Variants in STX8 observed in about 807,000 individuals in gnomAD.
The protein encoded by STX8 is syntaxin 8, also known as syntaxin-8.
Under a neutral mutation model 37.5 loss-of-function variants are expected in STX8, and 23 were observed. The ratio of observed to expected loss-of-function variants is 0.61; its 90% CI spans 0.44 to 0.87. The LOEUF (loss-of-function observed/expected upper bound fraction) is 0.87. STX8 is among the 40% of genes least tolerant of loss of function. STX8 has a pLI of 0.00. For synonymous variants in STX8, 115 were observed against 99.1 expected, an observed-to-expected ratio of 1.16 and a Z score of -0.95; for missense variants, 313 against 284.7, an observed-to-expected ratio of 1.10 and a Z score of -0.71.
intron 6 of STX8, among the ~76,000 whole-genome samples, chr17:9,479,940 A>C (rs553011934): frequency 1.3e-5 from 2 of 152,300 alleles, no homozygotes; most frequent in South Asian, 4.1e-4. Context: ...CTTTGCGTAA[A>C]GGCCCTTTGC....
chr17:9,360,227 C>CTTTTTTTTTTTTTTTTTTTTT (rs58213453), intron 7 of STX8, among the ~76,000 whole-genome samples: 1 of 72,610 alleles, frequency 1.4e-5, no homozygotes, highest in African/African-American at 5.4e-5. Context: ...AATTAACCGT[C>CTTTTTTTTTTTTTTTTTTTTT]TTTTTTTTTT....
chr17:9,329,166 G>A (rs1439577851), intron 7 of STX8, among the ~76,000 whole-genome samples: 3 of 142,624 alleles, frequency 2.1e-5, no homozygotes, highest in African/African-American at 7.7e-5. Flanking sequence ...AGACTACCTA[G>A]AAAAGTTCCC....
intron 6 of STX8, among the ~76,000 whole-genome samples, chr17:9,386,021 G>T (rs1164394582): frequency 1.3e-5 from 2 of 150,782 alleles, no homozygotes; most frequent in African/African-American, 4.9e-5. Context: ...TGATCCACCT[G>T]CCTCGGCTGG....
chr17:9,392,236 G>A (rs568282201), intron 6 of STX8, among the ~76,000 whole-genome samples: 17 of 152,202 alleles, frequency 1.1e-4, no homozygotes, highest in South Asian at 6.2e-4. Context: ...ATGAACATCC[G>A]GAAAATTTCA....
chr17:9,558,923 T>C (rs1018368526), intron 2 of STX8, among the ~76,000 whole-genome samples: 3 of 151,910 alleles, frequency 2.0e-5, no homozygotes, highest in African/African-American at 7.3e-5. Flanking sequence ...ACAAAAGCAT[T>C]TGGGAGATGA....
intron 6 of STX8, among the ~76,000 whole-genome samples, chr17:9,491,062 C>G (rs991084487): frequency 6.6e-6 from 1 of 152,194 alleles, no homozygotes; most frequent in Non-Finnish European, 1.5e-5. Context: ...CTGCTCCCAT[C>G]TCTTCTCTTT....
At chr17:9,421,916 C>T (rs753240830) in intron 6 of STX8, among the ~76,000 whole-genome samples, 5 of 151,990 alleles carry the variant, frequency 3.3e-5, no homozygotes, top group Non-Finnish European at 5.9e-5. Flanking sequence ...GGTCTGAAAG[C>T]GGAGCACCTC....
intron 7 of STX8, among the ~76,000 whole-genome samples, chr17:9,361,388 T>A (rs1911057410): frequency 6.6e-6 from 1 of 152,194 alleles, no homozygotes; most frequent in Non-Finnish European, 1.5e-5. Context: ...CAGCTTCAAG[T>A]GGGCGTCTAC....
At chr17:9,481,535 C>G (rs1906345009) in intron 6 of STX8, among the ~76,000 whole-genome samples, 1 of 152,162 alleles carries the variant, frequency 6.6e-6, no homozygotes, top group Non-Finnish European at 1.5e-5. Flanking sequence ...GATCTTCCAA[C>G]CCCTCCCCTG....
At chr17:9,532,403 T>A (rs958122002) in intron 4 of STX8, among the ~76,000 whole-genome samples, 4 of 152,136 alleles carry the variant, frequency 2.6e-5, no homozygotes, top group Non-Finnish European at 4.4e-5. Flanking sequence ...CCTGTTTTTT[T>A]AAAAAACACA....
At chr17:9,429,047 A>G (rs1913746461) in intron 6 of STX8, among the ~76,000 whole-genome samples, 1 of 152,214 alleles carries the variant, frequency 6.6e-6, no homozygotes, top group East Asian at 1.9e-4. Context: ...CAGTGCAAAC[A>G]TATTAATCCT....
intron 2 of STX8, among the ~76,000 whole-genome samples, chr17:9,567,555 G>A (rs1357121159): frequency 6.6e-6 from 1 of 152,106 alleles, no homozygotes; most frequent in Non-Finnish European, 1.5e-5. Context: ...AGAAAGGTGT[G>A]GTGTTAGATT....
intron 6 of STX8, among the ~76,000 whole-genome samples, chr17:9,444,713 T>C (rs2142391924): frequency 6.6e-6 from 1 of 152,358 alleles, no homozygotes; most frequent in African/African-American, 2.4e-5. Context: ...GTATTTTTTC[T>C]TCCTTTTTTT....
intron 6 of STX8, among the ~76,000 whole-genome samples, chr17:9,441,675 T>C (rs1904661155): frequency 1.2e-5 from 1 of 84,934 alleles, no homozygotes; most frequent in Admixed American, 1.1e-4. Flanking sequence ...ACCATGGCTT[T>C]TTTTTTTTTT....
intron 6 of STX8, among the ~76,000 whole-genome samples, chr17:9,400,187 C>T (rs1255533706): frequency 1.3e-5 from 2 of 151,248 alleles, no homozygotes; most frequent in African/African-American, 4.9e-5. Context: ...ACTGCAAGCT[C>T]CGCCTCCCGG....
At chr17:9,337,198 T>G (rs148894447) in intron 7 of STX8, among the ~76,000 whole-genome samples, 144 of 152,168 alleles carry the variant, frequency 9.5e-4, no homozygotes, top group African/African-American at 3.4e-3. Context: ...GCACAAAAAT[T>G]AAAGAGAAAA....
At chr17:9,258,747 T>C (rs1906895916) in intron 7 of STX8, among the ~76,000 whole-genome samples, 2 of 152,250 alleles carry the variant, frequency 1.3e-5, no homozygotes. Flanking sequence ...TTTCTTTCTC[T>C]GTATTGTGGG....
In STX8 at chr17:9,545,169, T is replaced by A; in HGVS notation, c.323+3A>T. The A allele has an allele frequency of 6.2e-7, 1 of 1,606,148 alleles. No individual in the cohort carries two copies. Among genetic ancestry groups the A allele is most frequent in the South Asian group, 1.1e-5 (1 of 90,824 alleles). On this transcript the variant is annotated splice_donor_region_variant and intron_variant, in intron 4 of 7. Coordinates refer to ENST00000306357, the MANE Select transcript of STX8 (RefSeq NM_004853.3). ...GTAATCCCTGTAAATAAAAACATCC[T>A]ACCTGATTAGATCTGGTTCGGCACC... is the stretch of plus-strand genomic sequence containing the variant.
intron 6 of STX8, among the ~76,000 whole-genome samples, chr17:9,445,523 G>GT (rs1904813447): frequency 2.4e-5 from 3 of 124,328 alleles, no homozygotes. Context: ...GGGTTGGGGG[G>GT]TGGGGGTGAG....
Sources: gnomAD v4.1 joint callset for allele counts (sites outside exome capture counted in the v4.1 genomes callset) on GRCh38, gnomAD v4.1.1 for gene constraint, MANE v1.5 for transcripts, NCBI Gene and HGNC (gene_info 2026-07-23, HGNC 2026-07-21) for gene names.